The following UMODL1 variants were observed in gnomAD, a reference collection of about 807,000 sequenced individuals.
UMODL1 encodes the protein uromodulin-like 1.
UMODL1 carries 128 observed loss-of-function variants against 136.3 expected under a neutral mutation model. The observed-to-expected ratio is 0.94, with a 90% CI of 0.81 to 1.09. UMODL1 has a LOEUF of 1.09. Ranked by LOEUF, UMODL1 falls within the 50% of genes least tolerant of loss-of-function variation. The pLI, the probability that UMODL1 is intolerant of heterozygous loss-of-function variation, is 0.00. For synonymous variants in UMODL1, 721 were observed against 720.0 expected (o/e 1.00, Z -0.02); for missense variants, 1,766 against 1,725.6 (o/e 1.02, Z -0.41).
intron 6 of UMODL1, among the ~76,000 whole-genome samples, chr21:42,097,873 G>T (rs1002536269): frequency 1.3e-5 from 2 of 152,134 alleles, no homozygotes; most frequent in African/African-American, 2.4e-5. Context: ...ATATAGGTTG[G>T]TACATCAGAG....
Position 42,113,768 on chromosome 21 carries a change from T to C in UMODL1, c.2300T>C (p.Val767Ala). 1 of 1,614,062 alleles carries C rather than the reference T, an allele frequency of 6.2e-7. No homozygotes were observed. The highest frequency in any genetic ancestry group is 8.5e-7 in the Non-Finnish European group (1 of 1,180,026). ...CTGGAGCCTGGGGTCTTGCACCTGG[T>C]TGAGATCATGGCCAAAGCATGTGGG... is the stretch of plus-strand genomic sequence containing the variant. ...SGLEPGVLHL[V>A]EIMAKACGKE... Residue 767 changes from valine (V) to alanine (A), a missense_variant, in exon 13 of 23, where the codon GTT becomes GCT. Physicochemically the swap from Val to Ala is moderately conservative, Grantham distance 64 (BLOSUM62 0). Transcript: ENST00000408910.
At chr21:42,125,745 A>G (rs1246871945) in intron 17 of UMODL1, among the ~76,000 whole-genome samples, 1 of 152,114 alleles carries the variant, frequency 6.6e-6, no homozygotes, top group Admixed American at 6.5e-5. Flanking sequence ...CCACAGCGGC[A>G]TCCTCAAGCC....
intron 4 of UMODL1, 28 bp from the exon 5 acceptor site, chr21:42,088,266 G>T: frequency 6.2e-7 from 1 of 1,600,994 alleles, no homozygotes. Context: ...TCCTTCTGCT[G>T]TGTGACACTC....
intron 20 of UMODL1, chr21:42,128,109 T>G (rs2067086729): frequency 1.8e-6 from 1 of 559,080 alleles, no homozygotes; most frequent in Non-Finnish European, 3.4e-6. Context: ...GGCTGTCGCG[T>G]CAGCACTGCC....
Position 42,085,686 on chromosome 21 carries a change from G to A in UMODL1, c.603+274G>A, listed in dbSNP as rs567800807. On this transcript the variant is annotated intron_variant, in intron 4 of 22. Transcript: ENST00000408910. The surrounding 1 kb of genome is among the most constrained non-coding windows in gnomAD (Gnocchi z 4.5). ...AGGCCCGCCTGTCGTGGTGGAGAACGCGGATCCCTAAGCTTGCAGGGGTCT... is the reference window on the plus strand; with the variant it reads ...AGGCCCGCCTGTCGTGGTGGAGAACACGGATCCCTAAGCTTGCAGGGGTCT... Among the ~76,000 whole-genome samples, 2 of 152,194 alleles carry A rather than the reference G, an allele frequency of 1.3e-5. No individual in the cohort carries two copies. The highest frequency in any genetic ancestry group is 2.9e-5 in the Non-Finnish European group (2 of 68,024).
intron 14 of UMODL1, among the ~76,000 whole-genome samples, chr21:42,116,755 A>T (rs2066906949): frequency 6.6e-6 from 1 of 152,102 alleles, no homozygotes. Flanking sequence ...CATTTTCATC[A>T]CCCAAAAAGA....
Position 42,127,652 on chromosome 21 carries a change from C to A in UMODL1, c.3531-20C>A. On this transcript the variant is annotated intron_variant, in intron 19 of 22. Transcript: ENST00000408910. ...CGGGGCTCGCTGACAAGCAAGGAGT[C>A]CCATTTCCTCTCTTCTCAGCTGCCC... 1 of 1,607,064 alleles carries A rather than the reference C, an allele frequency of 6.2e-7. No individual in the cohort carries two copies. The highest frequency in any genetic ancestry group is 1.3e-5 in the African/African-American group (1 of 74,688).
intron 7 of UMODL1, chr21:42,101,867 C>T: frequency 2.5e-6 from 1 of 394,366 alleles, no homozygotes; most frequent in Non-Finnish European, 5.0e-6. Context: ...AGGAAGGCAG[C>T]AGCCACCCCA....
intron 2 of UMODL1, among the ~76,000 whole-genome samples, chr21:42,077,617 G>A (rs111278705): frequency 0.016 from 2,449 of 152,284 alleles, 16 homozygotes; most frequent in African/African-American, 0.052. Context: ...TGGGAACTGC[G>A]GATATAGCTC....
intron 21 of UMODL1, 101 bp from the exon 22 acceptor site, chr21:42,137,338 G>A (rs1012666332): frequency 1.5e-5 from 21 of 1,445,150 alleles, no homozygotes; most frequent in East Asian, 6.9e-5. Context: ...TGCATTCCCC[G>A]TGCTTCAGAT....
At chr21:42,121,017 C>T (rs985377157) in intron 15 of UMODL1, 70 bp from the exon 16 acceptor site, 94 of 1,551,032 alleles carry the variant, frequency 6.1e-5, no homozygotes, top group African/African-American at 2.7e-5. Flanking sequence ...CACTCTCCCC[C>T]AACCAGGCTG....
Position 42,121,564 on chromosome 21 carries a change from C to T in UMODL1, c.2827+340C>T, listed in dbSNP as rs557712399. 2.5e-4 allele frequency among the ~76,000 whole-genome samples: 38 copies of T among 152,264 alleles called. 1 individual carries two copies. Among genetic ancestry groups the T allele is most frequent in the Admixed American group, 1.4e-3 (22 of 15,296 alleles). On this transcript the variant is annotated intron_variant, in intron 16 of 22. Transcript: ENST00000408910. ...TGCTGAGCGACCGTCTTGTGAAACACGCAGCCGTGGGACACGCGACACAGG... is the reference window on the plus strand; with the variant it reads ...TGCTGAGCGACCGTCTTGTGAAACATGCAGCCGTGGGACACGCGACACAGG...
intron 10 of UMODL1, 151 bp from the exon 11 acceptor site, chr21:42,110,729 C>T (rs879424384): frequency 9.7e-6 from 7 of 720,008 alleles, no homozygotes; most frequent in Non-Finnish European, 1.6e-5. Context: ...GCCCAGGAAA[C>T]ACTCCTGAAC....
At chr21:42,090,958 C>A (rs1030815173) in intron 6 of UMODL1, among the ~76,000 whole-genome samples, 13 of 152,228 alleles carry the variant, frequency 8.5e-5, no homozygotes, top group African/African-American at 3.1e-4. Flanking sequence ...CAGTGAGCTG[C>A]CGTTTTTTTC....
intron 22 of UMODL1, among the ~76,000 whole-genome samples, chr21:42,138,840 G>A (rs2067243216): frequency 6.6e-6 from 1 of 152,154 alleles, no homozygotes; most frequent in South Asian, 2.1e-4. Context: ...CTCTCAAAGT[G>A]CTGGGATTAC....
At chr21:42,115,411 C>T (rs1299655045) in intron 13 of UMODL1, among the ~76,000 whole-genome samples, 2 of 152,230 alleles carry the variant, frequency 1.3e-5, no homozygotes, top group African/African-American at 2.4e-5. Flanking sequence ...GACCCCTGGG[C>T]ACCCTGTGGC....
rs371387739 is a variant in UMODL1, at chr21:42,076,115, G to A, written c.187G>A (p.Gly63Ser). ...TSYTSYVSCGGWIPWRRCPKM... is the reference protein window; with the variant it reads ...TSYTSYVSCGSWIPWRRCPKM... ...CTACACGTCCTATGTGTCCTGCGGC[G>A]GCTGGATCCCCTGGAGGCGGTGCCC... is the stretch of plus-strand genomic sequence containing the variant. The change falls in exon 2 of 23, where the codon GGC becomes AGC. Residue 63 changes from glycine (G) to serine (S), a missense_variant. Transcript: ENST00000408910. 13 of 1,614,114 alleles carry A rather than the reference G, an allele frequency of 8.1e-6. No homozygotes were observed. Among genetic ancestry groups the A allele is most frequent in the South Asian group, 2.2e-5 (2 of 91,090 alleles).
At position 42,099,322 on chromosome 21, in the gene UMODL1, C is replaced by G; in HGVS notation, c.1186+142C>G. ...CCGCCCTGCACTTCCTCCCTCCCCT[C>G]CCAGTCATCCCACTGCCTGCCCGGC... On this transcript the variant is annotated intron_variant, in intron 7 of 22. Coordinates refer to ENST00000408910, the MANE Select transcript of UMODL1 (RefSeq NM_001004416.3). This position sits in a 1 kb window ranked among gnomAD's most constrained non-coding sequence, Gnocchi z 4.1. 1 of 1,261,160 alleles carries G rather than the reference C, an allele frequency of 7.9e-7. No individual in the cohort carries two copies. The highest frequency in any genetic ancestry group is 2.6e-5 in the East Asian group (1 of 39,206). 78.1% of individuals were successfully genotyped at this position (1,261,160 alleles called of 1,614,324 possible).
Position 42,127,814 on chromosome 21 carries a change from G to A in UMODL1, c.3673G>A (p.Gly1225Arg), listed in dbSNP as rs773866205. ...CKLRVCMESP[G>R]ATCKINCNNF... Reference sequence around the variant, plus strand: ...ACTCCGCGTCTGCATGGAATCCCCCGGAGCCACGTGCAAAATCGTAAGTGT... The same window carrying A: ...ACTCCGCGTCTGCATGGAATCCCCCAGAGCCACGTGCAAAATCGTAAGTGT... Residue 1225 changes from glycine (G) to arginine (R), a missense_variant, in exon 20 of 23, where the codon GGA (glycine) becomes AGA (arginine). Physicochemically the swap from Gly to Arg is moderately radical, Grantham distance 125 (BLOSUM62 -2). Coordinates refer to ENST00000408910, the MANE Select transcript of UMODL1 (RefSeq NM_001004416.3). The A allele has an allele frequency of 1.6e-5, 25 of 1,611,844 alleles. 1 individual carries two copies. The highest frequency in any genetic ancestry group is 1.6e-4 in the Middle Eastern group (1 of 6,074).
Sources: allele counts gnomAD v4.1 joint callset (sites outside exome capture counted in the v4.1 genomes callset), GRCh38; gene constraint gnomAD v4.1.1; non-coding constraint Gnocchi (gnomAD v3.1); transcripts MANE v1.5; gene names NCBI Gene and HGNC (gene_info 2026-07-23, HGNC 2026-07-21).